The following ANKRD30BL variants were observed in gnomAD, a reference collection of about 807,000 sequenced individuals.
ANKRD30BL encodes ankyrin repeat domain 30B like, also known as putative ankyrin repeat domain-containing protein 30B-like.
A neutral mutation model predicts 18.4 loss-of-function variants in ANKRD30BL; 20 were observed. The ratio of observed to expected loss-of-function variants is 1.09; its 90% CI spans 0.77 to 1.58. ANKRD30BL has a LOEUF of 1.58. ANKRD30BL is among the 40% of genes most tolerant of loss of function. The pLI is 0.00. For missense variants in ANKRD30BL, 224 were observed against 268.6 expected (o/e 0.83, Z 1.16); for synonymous variants, 72 against 100.9 (o/e 0.71, Z 1.72).
intron 1 of ANKRD30BL, among the ~76,000 whole-genome samples, chr2:132,181,377 G>A (rs1168354555): frequency 1.3e-5 from 2 of 151,822 alleles, no homozygotes; most frequent in African/African-American, 4.8e-5. Context: ...GAGAGGCTGA[G>A]CATGAGAATC....
intron 1 of ANKRD30BL, among the ~76,000 whole-genome samples, chr2:132,218,087 G>T (rs549371401): frequency 4.2e-4 from 64 of 151,054 alleles, no homozygotes; most frequent in African/African-American, 1.5e-3. Flanking sequence ...ATTTGGACCA[G>T]TTTGAGGTCT....
chr2:132,196,601 C>T (rs1050437932), intron 1 of ANKRD30BL, among the ~76,000 whole-genome samples: 2 of 152,132 alleles, frequency 1.3e-5, no homozygotes, highest in Non-Finnish European at 2.9e-5. Context: ...GGCTGACCAA[C>T]ATAATGAAAC....
chr2:132,234,588 A>G (rs972909625), intron 1 of ANKRD30BL, among the ~76,000 whole-genome samples: 1 of 152,204 alleles, frequency 6.6e-6, no homozygotes, highest in African/African-American at 2.4e-5. Flanking sequence ...AAAATCCAGA[A>G]GAAATGGATA....
intron 1 of ANKRD30BL, among the ~76,000 whole-genome samples, chr2:132,223,262 G>A (rs13422196): frequency 0.058 from 8,748 of 152,042 alleles, 830 homozygotes; most frequent in African/African-American, 0.2. Context: ...TGAGGCCTTC[G>A]TTTGAAACGG....
intron 1 of ANKRD30BL, among the ~76,000 whole-genome samples, chr2:132,193,860 CT>C (rs1678908623): frequency 6.6e-6 from 1 of 151,446 alleles, no homozygotes. Flanking sequence ...GCTCTGGGAT[CT>C]GGAAGGCAGG....
intron 1 of ANKRD30BL, among the ~76,000 whole-genome samples, chr2:132,194,678 G>C (rs959007492): frequency 6.6e-6 from 1 of 152,134 alleles, no homozygotes; most frequent in Non-Finnish European, 1.5e-5. Context: ...ACCTTCTCCT[G>C]CTTCCTCCTT....
chr2:132,256,834 G>A (rs988848416), intron 1 of ANKRD30BL: 7 of 383,430 alleles, frequency 1.8e-5, no homozygotes, highest in Admixed American at 1.6e-4. Context: ...CCCAGACGGG[G>A]CCACCACAGC....
chr2:132,245,930 G>A (rs201232408), intron 1 of ANKRD30BL, among the ~76,000 whole-genome samples: 1 of 151,644 alleles, frequency 6.6e-6, no homozygotes, highest in Admixed American at 6.6e-5. Context: ...GGAGCACTTT[G>A]AGGCCTATGG....
chr2:132,201,247 T>G (rs1004722445), intron 1 of ANKRD30BL, among the ~76,000 whole-genome samples: 19 of 152,306 alleles, frequency 1.2e-4, no homozygotes, highest in African/African-American at 4.1e-4. Context: ...AAGGACTTCA[T>G]GTCTAAAACA....
At chr2:132,222,625 T>A (rs1573860609) in intron 1 of ANKRD30BL, among the ~76,000 whole-genome samples, 1 of 152,018 alleles carries the variant, frequency 6.6e-6, no homozygotes, top group African/African-American at 2.4e-5. Context: ...GTTAAACAGA[T>A]GCTTGAAGGC....
chr2:132,163,351 T>G (rs531591515), upstream of ANKRD30BL, among the ~76,000 whole-genome samples: 2 of 151,926 alleles, frequency 1.3e-5, no homozygotes, highest in African/African-American at 2.4e-5. Context: ...CTTGGGAGAT[T>G]GATTGTGGCA....
intron 1 of ANKRD30BL, among the ~76,000 whole-genome samples, chr2:132,222,110 AGCC>A: frequency 7.0e-6 from 1 of 141,924 alleles, no homozygotes; most frequent in Non-Finnish European, 1.5e-5. Flanking sequence ...CCACCCGGCC[AGCC>A]GCCCTATCTG....
chr2:132,163,102 AG>A (rs1688117521), upstream of ANKRD30BL, among the ~76,000 whole-genome samples: 1 of 152,172 alleles, frequency 6.6e-6, no homozygotes, highest in Admixed American at 6.5e-5. Context: ...TTGGACTGAG[AG>A]GGAAACTCGG....
chr2:132,205,145 A>G lies in ANKRD30BL; in HGVS notation n.442-47999T>C, dbSNP rs550963054. Reference sequence around the variant, plus strand: ...TTTTACATACACATTCTGAAGTATAAGGTATGCAGAATTTTCTAAGCGTAT... The same window carrying G: ...TTTTACATACACATTCTGAAGTATAGGGTATGCAGAATTTTCTAAGCGTAT... On this transcript the variant is annotated intron_variant and non_coding_transcript_variant, in intron 1 of 4. Coordinates refer to the ANKRD30BL transcript ENST00000470729. 5.3e-3 allele frequency among the ~76,000 whole-genome samples: 810 copies of G among 152,208 alleles called. 22 individuals are homozygous for G. The highest frequency in any genetic ancestry group is 0.045 in the Admixed American group (680 of 15,272).
intron 1 of ANKRD30BL, among the ~76,000 whole-genome samples, chr2:132,202,955 C>T (rs1001543129): frequency 6.6e-6 from 1 of 152,144 alleles, no homozygotes; most frequent in African/African-American, 2.4e-5. Context: ...ACTGGGAGAG[C>T]CTCACATGCA....
At chr2:132,232,431 C>G (rs1343237521) in intron 1 of ANKRD30BL, among the ~76,000 whole-genome samples, 2 of 152,174 alleles carry the variant, frequency 1.3e-5, no homozygotes, top group South Asian at 2.1e-4. Context: ...AAGTTGAAAA[C>G]TTTGAAAAAA....
intron 1 of ANKRD30BL, among the ~76,000 whole-genome samples, chr2:132,220,253 C>T (rs376154688): frequency 6.6e-6 from 1 of 151,732 alleles, no homozygotes; most frequent in Non-Finnish European, 1.5e-5. Context: ...TTTCTTTTGA[C>T]AGAGCAGGTT....
chr2:132,216,894 C>T (rs201282022), intron 1 of ANKRD30BL, among the ~76,000 whole-genome samples: 42 of 146,026 alleles, frequency 2.9e-4, no homozygotes, highest in Middle Eastern at 3.6e-3. Context: ...TGGACTGCTT[C>T]GAGGCATTCG....
chr2:132,255,103 C>T (rs78905701), intron 1 of ANKRD30BL, among the ~76,000 whole-genome samples: 4 of 152,304 alleles, frequency 2.6e-5, no homozygotes, highest in South Asian at 2.1e-4. Context: ...GGAATAACAC[C>T]GCCACATCGC....
Sources: allele counts gnomAD v4.1 joint callset (sites outside exome capture counted in the v4.1 genomes callset), GRCh38; gene constraint gnomAD v4.1.1; transcripts MANE v1.5; gene names NCBI Gene and HGNC (gene_info 2026-07-23, HGNC 2026-07-21).